HRK: variants seen among roughly 807,000 people sequenced by gnomAD.
HRK encodes harakiri, BCL2 interacting protein, also known as activator of apoptosis harakiri.
In HRK, 6 loss-of-function variants were observed where a neutral mutation model predicts 5.9. The observed-to-expected ratio is 1.02, with a 90% CI of 0.56 to 2.01. HRK has a LOEUF of 2.01. HRK is among the 30% of genes most tolerant of loss of function. HRK has a pLI of 0.00. For missense variants in HRK, 133 were observed against 128.3 expected, an observed-to-expected ratio of 1.04 and a Z score of -0.18; for synonymous variants, 85 against 65.1, an observed-to-expected ratio of 1.31 and a Z score of -1.47.
intron 1 of HRK, among the ~76,000 whole-genome samples, chr12:116,870,698 G>C (rs1362052910): frequency 6.6e-6 from 1 of 152,154 alleles, no homozygotes; most frequent in Non-Finnish European, 1.5e-5. Flanking sequence ...AGCTACCGGA[G>C]AGGCAAAGGT....
At chr12:116,872,881 G>A (rs1295518005) in intron 1 of HRK, among the ~76,000 whole-genome samples, 1 of 149,688 alleles carries the variant, frequency 6.7e-6, no homozygotes, top group African/African-American at 2.5e-5. Context: ...CAGGCAGGGA[G>A]GGAGGGAGGG....
At chr12:116,868,922 A>C (rs928406289) in intron 1 of HRK, among the ~76,000 whole-genome samples, 3 of 151,522 alleles carry the variant, frequency 2.0e-5, no homozygotes, top group Non-Finnish European at 4.4e-5. Flanking sequence ...TACCATAAAG[A>C]TGGGCCATAC....
At chr12:116,872,430 T>G (rs11068219) in intron 1 of HRK, among the ~76,000 whole-genome samples, 42,532 of 151,902 alleles carry the variant, frequency 0.28, 6,428 homozygotes, top group African/African-American at 0.41. Context: ...ATGCCTGTGA[T>G]ATATGGAAAA....
chr12:116,874,450 T>C (rs1878864963), intron 1 of HRK, among the ~76,000 whole-genome samples: 1 of 152,150 alleles, frequency 6.6e-6, no homozygotes. Context: ...TGGGGCACTC[T>C]CTATTGTGTT....
Position 116,879,466 on chromosome 12 carries a change from C to T in HRK, c.*56+1510G>A, listed in dbSNP as rs556351138. On this transcript the variant is annotated intron_variant, in intron 1 of 1. Coordinates refer to ENST00000257572, the MANE Select transcript of HRK (RefSeq NM_003806.4). The surrounding 1 kb of genome is among the most constrained non-coding windows in gnomAD (Gnocchi z 5.6). ...TCGCTCAACTTCCTTTTTCTGCACC[C>T]CGCGATCCATCCAAAATGTTCTTCC... 6.6e-6 allele frequency: 1 copy of T among 152,338 alleles called. No individual in the cohort carries two copies. Among genetic ancestry groups the T allele is most frequent in the Non-Finnish European group, 1.5e-5 (1 of 68,074 alleles). 9.4% of individuals were successfully genotyped at this position (152,338 alleles called of 1,614,324 possible). A position where few individuals can be genotyped will look rare whatever the true frequency, so the allele number is the denominator to read the frequency against.
At chr12:116,861,866 G>A (rs1878379490) in intron 1 of HRK, among the ~76,000 whole-genome samples, 1 of 152,232 alleles carries the variant, frequency 6.6e-6, no homozygotes, top group South Asian at 2.1e-4. Flanking sequence ...ATTCAAGAGA[G>A]AGTTGTAGGG....
At chr12:116,861,971 T>C (rs1380876371) in intron 1 of HRK, among the ~76,000 whole-genome samples, 1 of 152,186 alleles carries the variant, frequency 6.6e-6, no homozygotes, top group African/African-American at 2.4e-5. Context: ...ACAGGTTCAA[T>C]GACGTAATTC....
rs1472151283 is a variant in HRK, at chr12:116,879,018, C to T, written c.*56+1958G>A. ...GCGCAGAGCGGCGCAATCTGCCCGC[C>T]CCGCCCGCAGCCTCCCCTTCCAGGC... On this transcript the variant is annotated intron_variant, in intron 1 of 1. Coordinates refer to ENST00000257572, the MANE Select transcript of HRK (RefSeq NM_003806.4). The surrounding 1 kb of genome is among the most constrained non-coding windows in gnomAD (Gnocchi z 5.6). 1 of 152,400 alleles carries T rather than the reference C, an allele frequency of 6.6e-6. No individual in the cohort carries two copies. The highest frequency in any genetic ancestry group is 1.5e-5 in the Non-Finnish European group (1 of 68,218). 9.4% of individuals were successfully genotyped at this position (152,400 alleles called of 1,614,324 possible).
At chr12:116,861,709 C>T (rs1368785847) in intron 1 of HRK, among the ~76,000 whole-genome samples, 3 of 152,224 alleles carry the variant, frequency 2.0e-5, no homozygotes, top group Non-Finnish European at 2.9e-5. Flanking sequence ...TGTGCGTGCA[C>T]ACACACTCCC....
chr12:116,859,984 A>G lies in HRK; in HGVS notation c.*1539T>C, dbSNP rs4767463. Reference sequence around the variant, plus strand: ...CATTTCAGCCGCATCCACCTTAAACATGGATCCCACTGCTGGCGTCTTAGA... The same window carrying G: ...CATTTCAGCCGCATCCACCTTAAACGTGGATCCCACTGCTGGCGTCTTAGA... On this transcript the variant is annotated 3_prime_UTR_variant, in exon 2 of 2. Coordinates refer to ENST00000257572, the MANE Select transcript of HRK (RefSeq NM_003806.4). 144,317 of 152,272 alleles carry G rather than the reference A, an allele frequency of 0.95. 68,465 individuals are homozygous for G. Among genetic ancestry groups the G allele is most frequent in the African/African-American group, 0.98 (40,932 of 41,562 alleles). 9.4% of individuals were successfully genotyped at this position (152,272 alleles called of 1,614,324 possible).
chr12:116,861,931 C>T (rs777667288), intron 1 of HRK, among the ~76,000 whole-genome samples: 1 of 152,128 alleles, frequency 6.6e-6, no homozygotes, highest in Non-Finnish European at 1.5e-5. Flanking sequence ...TCACTTATTC[C>T]CAAGTATGCC....
At chr12:116,861,910 C>T (rs548845846) in intron 1 of HRK, among the ~76,000 whole-genome samples, 2 of 152,318 alleles carry the variant, frequency 1.3e-5, no homozygotes, top group East Asian at 3.9e-4. Flanking sequence ...TTTGTTCGTT[C>T]ATTCATCCAT....
At chr12:116,869,325 G>A (rs1280462625) in intron 1 of HRK, among the ~76,000 whole-genome samples, 3 of 152,092 alleles carry the variant, frequency 2.0e-5, no homozygotes, top group South Asian at 2.1e-4. Flanking sequence ...ACATATCATA[G>A]GCTGTCACTC....
At chr12:116,869,313 A>C (rs1156887997) in intron 1 of HRK, among the ~76,000 whole-genome samples, 1 of 152,118 alleles carries the variant, frequency 6.6e-6, no homozygotes, top group East Asian at 1.9e-4. Flanking sequence ...AATAAGAACA[A>C]CACATATCAT....
chr12:116,864,324 T>C (rs11068216), intron 1 of HRK, among the ~76,000 whole-genome samples: 6,361 of 152,238 alleles, frequency 0.042, 318 homozygotes, highest in East Asian at 0.13. Context: ...GTGGACATCG[T>C]GCTAAGCATG....
intron 1 of HRK, among the ~76,000 whole-genome samples, chr12:116,872,553 G>A (rs1878790611): frequency 6.6e-6 from 1 of 151,792 alleles, no homozygotes; most frequent in African/African-American, 2.4e-5. Flanking sequence ...CAAGGCAGGA[G>A]GTCTTGAGCT....
At chr12:116,880,118 G>GATA (rs1434236732) in intron 1 of HRK, among the ~76,000 whole-genome samples, 3 of 151,820 alleles carry the variant, frequency 2.0e-5, no homozygotes, top group Non-Finnish European at 2.9e-5. Flanking sequence ...CACACTAGGT[G>GATA]CTCAGTACCC....
chr12:116,872,941 C>T (rs199569949), intron 1 of HRK, among the ~76,000 whole-genome samples: 3,901 of 13,648 alleles, frequency 0.29, 140 homozygotes, highest in East Asian at 0.43. Context: ...AGAGAAATGG[C>T]AGAAAGAAGG....
At chr12:116,870,385 C>T (rs567892319) in intron 1 of HRK, among the ~76,000 whole-genome samples, 5 of 152,228 alleles carry the variant, frequency 3.3e-5, no homozygotes, top group Admixed American at 6.6e-5. Flanking sequence ...GGGAGAGGCA[C>T]GCTAGGCGTC....
Sources: allele counts gnomAD v4.1 joint callset (sites outside exome capture counted in the v4.1 genomes callset), GRCh38; gene constraint gnomAD v4.1.1; non-coding constraint Gnocchi (gnomAD v3.1); transcripts MANE v1.5; gene names NCBI Gene and HGNC (gene_info 2026-07-23, HGNC 2026-07-21).